SDK2: variants seen among roughly 807,000 people sequenced by gnomAD.
SDK2 encodes the protein sidekick cell adhesion molecule 2.
Under a neutral mutation model 253.9 loss-of-function variants are expected in SDK2, and 105 were observed. That is an observed-to-expected ratio of 0.41 (90% CI 0.35 to 0.49). SDK2 has a LOEUF of 0.49. Ranked by LOEUF, SDK2 falls within the 20% of genes least tolerant of loss-of-function variation. SDK2 has a pLI of 0.06. For missense variants in SDK2, 2,608 were observed against 3,003.0 expected (o/e 0.87, Z 3.07); for synonymous variants, 1,249 against 1,234.9 (o/e 1.01, Z -0.24).
At chr17:73,451,378 T>A (rs2063488662) in intron 4 of SDK2, among the ~76,000 whole-genome samples, 1 of 152,184 alleles carries the variant, frequency 6.6e-6, no homozygotes, top group South Asian at 2.1e-4. Flanking sequence ...TGGTGGTGCA[T>A]GCCTGTAATC....
intron 18 of SDK2, among the ~76,000 whole-genome samples, chr17:73,404,308 G>T (rs924137638): frequency 1.8e-4 from 28 of 152,186 alleles, no homozygotes; most frequent in African/African-American, 5.3e-4. Flanking sequence ...GAGGCTTGGG[G>T]ATAGGAGGCC....
At chr17:73,470,285 A>G (rs1380221256) in intron 3 of SDK2, among the ~76,000 whole-genome samples, 4 of 151,832 alleles carry the variant, frequency 2.6e-5, no homozygotes, top group Non-Finnish European at 5.9e-5. Flanking sequence ...GCATGCATGC[A>G]TGCAAACACA....
intron 3 of SDK2, among the ~76,000 whole-genome samples, chr17:73,461,975 T>TATACATGTATGTTTAC (rs141849712): frequency 0.029 from 4,348 of 152,204 alleles, 201 homozygotes; most frequent in African/African-American, 0.095. Flanking sequence ...GATGGTTACA[T>TATACATGTATGTTTAC]ATGCATGTAT....
intron 24 of SDK2, 82 bp downstream of exon 24, chr17:73,397,953 G>A: frequency 6.9e-7 from 1 of 1,455,900 alleles, no homozygotes; most frequent in South Asian, 1.2e-5. Context: ...AGGAGCTGTA[G>A]GAATTCTGAT....
chr17:73,417,785 C>T lies in SDK2; in HGVS notation c.2186+1381G>A, dbSNP rs890273383. Among the ~76,000 whole-genome samples the T allele has an allele frequency of 2.6e-5, 4 of 152,090 alleles. No homozygotes were observed. In the South Asian group the frequency reaches 8.3e-4, roughly 32 times the overall value. ...GGGCTACCTACTCGACCCATTTCTA[C>T]CTCCACTGGCAAAAAGAACTCACAG... On this transcript the variant is annotated intron_variant, in intron 16 of 44. Coordinates refer to ENST00000392650, the MANE Select transcript of SDK2 (RefSeq NM_001144952.2).
chr17:73,613,843 AG>A (rs2046012402), intron 1 of SDK2, among the ~76,000 whole-genome samples: 2 of 152,200 alleles, frequency 1.3e-5, no homozygotes, highest in Non-Finnish European at 2.9e-5. Flanking sequence ...TCCACAGGGA[AG>A]GAATTAGCCA....
rs2045947580 is a variant in SDK2, at chr17:73,609,440, C to A, written c.64+34585G>T. 6.6e-6 allele frequency among the ~76,000 whole-genome samples: 1 copy of A among 152,144 alleles called. No individual in the cohort carries two copies. The highest frequency in any genetic ancestry group is 2.1e-4 in the South Asian group (1 of 4,830). On this transcript the variant is annotated intron_variant, in intron 1 of 44. Transcript: ENST00000392650. This position sits in a 1 kb window ranked among gnomAD's most constrained non-coding sequence, Gnocchi z 4.4. ...ATGGACCTAGTCGCAGGGCTGAGAA[C>A]CAGCCCCAGCAGAGCAGCTTCAGTG...
rs770882397 is a variant in SDK2, at chr17:73,386,478, C to T, written c.4465G>A (p.Glu1489Lys). The T allele has an allele frequency of 4.5e-6, 7 of 1,561,072 alleles. No individual in the cohort carries two copies. The highest frequency in any genetic ancestry group is 2.4e-5 in the East Asian group (1 of 41,566). Residue 1489 changes from glutamate (E) to lysine (K), a missense_variant, in exon 31 of 45, where the codon GAG (glutamate) becomes AAG (lysine). Glu to Lys is a moderately conservative substitution (Grantham distance 56). Coordinates refer to ENST00000392650, the MANE Select transcript of SDK2 (RefSeq NM_001144952.2). Reference sequence around the variant, plus strand: ...AGGGTGGTCAGTGACTCCGACTCCTCGCTGAACTCGCTGTCGCCAATGTCA... The same window carrying T: ...AGGGTGGTCAGTGACTCCGACTCCTTGCTGAACTCGCTGTCGCCAATGTCA... ...TNDIGDSEFS[E>K]ESESLTTLQA...
At chr17:73,548,989 C>A (rs1045218066) in intron 1 of SDK2, among the ~76,000 whole-genome samples, 2 of 152,216 alleles carry the variant, frequency 1.3e-5, no homozygotes, top group Non-Finnish European at 2.9e-5. Flanking sequence ...TCAATGACAA[C>A]CCCGGCTGCC....
chr17:73,640,566 G>GA lies in SDK2; in HGVS notation c.64+3458_64+3459insT, dbSNP rs552123047. 1.8e-3 allele frequency among the ~76,000 whole-genome samples: 270 copies of GA among 152,290 alleles called. 1 individual carries two copies. The highest frequency in any genetic ancestry group is 6.3e-3 in the African/African-American group (262 of 41,542). ...AGGCAAGCACGACACTCGGCCTCCTGGTAATTAGCGAAAGGCCCTGATCAA... is the reference window on the plus strand; with the variant it reads ...AGGCAAGCACGACACTCGGCCTCCTGAGTAATTAGCGAAAGGCCCTGATCAA... On this transcript the variant is annotated intron_variant, in intron 1 of 44. Coordinates refer to ENST00000392650, the MANE Select transcript of SDK2 (RefSeq NM_001144952.2).
At chr17:73,548,797 G>A (rs564431562) in intron 1 of SDK2, among the ~76,000 whole-genome samples, 8 of 152,346 alleles carry the variant, frequency 5.3e-5, no homozygotes, top group African/African-American at 1.7e-4. Flanking sequence ...CATGGTGGGG[G>A]GCCTTGGGCC....
intron 44 of SDK2, among the ~76,000 whole-genome samples, chr17:73,341,480 C>T (rs1276479975): frequency 1.3e-5 from 2 of 152,146 alleles, no homozygotes; most frequent in Admixed American, 6.5e-5. Flanking sequence ...GCACAGCACA[C>T]GATCAGTGCA....
intron 17 of SDK2, among the ~76,000 whole-genome samples, chr17:73,415,414 A>G (rs2063172150): frequency 7.0e-6 from 1 of 141,932 alleles, no homozygotes; most frequent in Non-Finnish European, 1.5e-5. Flanking sequence ...GTGCAGTGGC[A>G]CGATCTCAGC....
intron 13 of SDK2, 124 bp from the exon 14 acceptor site, chr17:73,423,646 G>A (rs2145589798): frequency 1.7e-6 from 2 of 1,168,606 alleles, no homozygotes; most frequent in Non-Finnish European, 2.3e-6. Context: ...CGTAAAATGT[G>A]GCCTTCGGGC....
rs559620459 is a variant in SDK2 at position 73,440,751 on chromosome 17, G to A, written c.725+61C>T. 53 of 1,255,774 alleles carry A rather than the reference G, an allele frequency of 4.2e-5. No individual in the cohort carries two copies. In the East Asian group the frequency reaches 8.9e-4, roughly 21 times the overall value. The allele number at this position is 1,255,774 out of a possible 1,614,324, so 77.8% of individuals were successfully genotyped here. A position where few individuals can be genotyped will look rare whatever the true frequency, so the allele number is the denominator to read the frequency against. Reference sequence around the variant, plus strand: ...CTTCTGGCTGCTCTCCCTGGAGCCCGCAGTTTGGGAGCAGCAGCTGGAGTT... The same window carrying A: ...CTTCTGGCTGCTCTCCCTGGAGCCCACAGTTTGGGAGCAGCAGCTGGAGTT... On this transcript the variant is annotated intron_variant, in intron 6 of 44. Coordinates refer to ENST00000392650, the MANE Select transcript of SDK2 (RefSeq NM_001144952.2).
At chr17:73,502,662 A>G (rs757271650) in intron 2 of SDK2, among the ~76,000 whole-genome samples, 1 of 152,150 alleles carries the variant, frequency 6.6e-6, no homozygotes, top group African/African-American at 2.4e-5. Context: ...AGCTGTTTAC[A>G]AAAGAATGCC....
At chr17:73,412,944 C>CCTGCCCACA (rs1464315809) in intron 18 of SDK2, among the ~76,000 whole-genome samples, 1 of 152,210 alleles carries the variant, frequency 6.6e-6, no homozygotes, top group East Asian at 1.9e-4. Context: ...GGAAACCAAC[C>CCTGCCCACA]CTGCCCACAC....
rs1255508692 is a variant in SDK2, at chr17:73,466,949, C to T, written c.331+5163G>A. 2.0e-5 allele frequency among the ~76,000 whole-genome samples: 3 copies of T among 152,156 alleles called. No homozygotes were observed. In the East Asian group the frequency reaches 5.8e-4, roughly 29 times the overall value. Reference sequence around the variant, plus strand: ...GTGCCTCGGTTGGGGCGAGAATCCACGCTTTCGGACCTCCATCCCCAAGAC... The same window carrying T: ...GTGCCTCGGTTGGGGCGAGAATCCATGCTTTCGGACCTCCATCCCCAAGAC... On this transcript the variant is annotated intron_variant, in intron 3 of 44. Coordinates refer to ENST00000392650, the MANE Select transcript of SDK2 (RefSeq NM_001144952.2).
chr17:73,418,231 C>T (rs2063200254), intron 16 of SDK2, among the ~76,000 whole-genome samples: 1 of 152,184 alleles, frequency 6.6e-6, no homozygotes, highest in South Asian at 2.1e-4. Context: ...TTGTCTCAAT[C>T]TCCTGACCCC....
Sources: gnomAD v4.1 joint callset for allele counts (sites outside exome capture counted in the v4.1 genomes callset) on GRCh38, gnomAD v4.1.1 for gene constraint, Gnocchi (gnomAD v3.1) non-coding constraint, MANE v1.5 for transcripts, NCBI Gene and HGNC (gene_info 2026-07-23, HGNC 2026-07-21) for gene names.